Variants in ACVR1 observed in about 807,000 individuals in gnomAD.
ACVR1 encodes activin A receptor type 1.
A neutral mutation model predicts 57.1 loss-of-function variants in ACVR1; 38 were observed. That is an observed-to-expected ratio of 0.67 (90% CI 0.51 to 0.87). The LOEUF (loss-of-function observed/expected upper bound fraction) is 0.87. ACVR1 is among the 40% of genes least tolerant of loss of function. The pLI, the probability that ACVR1 is intolerant of heterozygous loss-of-function variation, is 0.00. For missense variants in ACVR1, 463 were observed against 638.2 expected (o/e 0.73, Z 2.96); for synonymous variants, 212 against 228.1 (o/e 0.93, Z 0.63).
intron 1 of ACVR1, among the ~76,000 whole-genome samples, chr2:157,860,855 T>C (rs190540156): frequency 3.3e-4 from 51 of 152,338 alleles, no homozygotes; most frequent in African/African-American, 1.2e-3. Flanking sequence ...CTCAAACTTT[T>C]AGAAGCATTC....
chr2:157,867,221 A>G (rs143847655), intron 1 of ACVR1, among the ~76,000 whole-genome samples: 1 of 152,284 alleles, frequency 6.6e-6, no homozygotes, highest in Non-Finnish European at 1.5e-5. Context: ...TCTCATTGCA[A>G]AAGTAATTTA....
chr2:157,819,077 C>CAAAAA lies in ACVR1; in HGVS notation c.-182-523_-182-519dup, dbSNP rs386391595. ...TGGGTGACAGAGCGAGACTCCGTCT[C>CAAAAA]AAAAAAAAAAAAAAAAAAAAAAAAA... On this transcript the variant is annotated intron_variant, in intron 1 of 10. Transcript: ENST00000434821. 7.6e-3 allele frequency among the ~76,000 whole-genome samples: 449 copies of CAAAAA among 59,204 alleles called. 23 individuals are homozygous for CAAAAA. The highest frequency in any genetic ancestry group is 0.034 in the African/African-American group (428 of 12,750). 38.8% of individuals were successfully genotyped at this position (59,204 alleles called of 152,430 possible).
chr2:157,870,658 A>G (rs1455954874), intron 1 of ACVR1, among the ~76,000 whole-genome samples: 26 of 152,246 alleles, frequency 1.7e-4, no homozygotes, highest in Admixed American at 1.6e-3. Context: ...ACTATAAATA[A>G]TGAAGGATTC....
At chr2:157,799,366 TA>T in intron 3 of ACVR1, 60 bp downstream of exon 3, 1 of 1,051,336 alleles carries the variant, frequency 9.5e-7, no homozygotes, top group Non-Finnish European at 1.4e-6. Context: ...TAGTTTATAG[TA>T]AGCCAAAAAA....
At chr2:157,798,426 T>G (rs544970096) in intron 3 of ACVR1, among the ~76,000 whole-genome samples, 2 of 151,276 alleles carry the variant, frequency 1.3e-5, no homozygotes, top group South Asian at 4.2e-4. Flanking sequence ...TGTTGAAGAT[T>G]ATTACCTATA....
chr2:157,795,961 C>G (rs956988522), intron 3 of ACVR1, among the ~76,000 whole-genome samples: 1 of 152,098 alleles, frequency 6.6e-6, no homozygotes, highest in African/African-American at 2.4e-5. Context: ...TGGTGGCTCA[C>G]GCCTGTAATC....
At position 157,770,531 on chromosome 2, in the gene ACVR1, A is replaced by G; in HGVS notation, c.644-17T>C. ...TGCCTTTCCCTATGAAAAGCAAAAC[A>G]TAGGTGACACAGAACAGTAGTCATT... On this transcript the variant is annotated splice_polypyrimidine_tract_variant and intron_variant, in intron 6 of 10. Coordinates refer to ENST00000434821, the MANE Select transcript of ACVR1 (RefSeq NM_001111067.4). 2 of 1,613,878 alleles carry G rather than the reference A, an allele frequency of 1.2e-6. No individual in the cohort carries two copies. The highest frequency in any genetic ancestry group is 1.7e-6 in the Non-Finnish European group (2 of 1,179,870).
At chr2:157,765,505 G>GT (rs373026062) in intron 8 of ACVR1, among the ~76,000 whole-genome samples, 25 of 152,030 alleles carry the variant, frequency 1.6e-4, no homozygotes, top group Admixed American at 3.9e-4. Context: ...AGGGATTTGG[G>GT]TTTTACAACA....
At chr2:157,794,437 C>T (rs569982658) in intron 3 of ACVR1, among the ~76,000 whole-genome samples, 6 of 152,238 alleles carry the variant, frequency 3.9e-5, no homozygotes, top group East Asian at 1.9e-4. Context: ...TCTCTTCTCA[C>T]GCTCTCAAAC....
At chr2:157,750,502 C>A (rs1351996880) in intron 9 of ACVR1, among the ~76,000 whole-genome samples, 2 of 152,150 alleles carry the variant, frequency 1.3e-5, no homozygotes, top group African/African-American at 2.4e-5. Context: ...ACCACTGATG[C>A]CAATTACAGC....
intron 9 of ACVR1, among the ~76,000 whole-genome samples, chr2:157,756,957 T>A (rs916923357): frequency 7.5e-5 from 11 of 146,658 alleles, no homozygotes; most frequent in African/African-American, 2.3e-4. Context: ...TATCTACACG[T>A]ATTTTTTATA....
chr2:157,761,058 G>T lies in ACVR1; in HGVS notation c.1086C>A (p.Ser362=), dbSNP rs149498219. The part of the protein sequence containing the change: ...IADLGLAVMH[S]QSTNQLDVGN... ...CCACATCAAGCTGATTGGTGCTCTG[G>T]GAATGCATGACTGCCAGGCCTGAAA... Residue 362 remains serine, a synonymous_variant, in exon 9 of 11, where the codon TCC becomes TCA. Coordinates refer to ENST00000434821, the MANE Select transcript of ACVR1 (RefSeq NM_001111067.4). 9.4e-4 allele frequency: 1,519 copies of T among 1,613,992 alleles called. 1 individual carries two copies. Among genetic ancestry groups the T allele is most frequent in the Admixed American group, 9.8e-4 (59 of 60,012 alleles).
chr2:157,862,422 TAC>T (rs68077740), intron 1 of ACVR1, among the ~76,000 whole-genome samples: 15,190 of 143,554 alleles, frequency 0.11, 1,304 homozygotes, highest in African/African-American at 0.24. Context: ...CATATACACA[TAC>T]ACACACACAC....
In ACVR1 at chr2:157,783,364, G is replaced by C. The variant is rs1476515453; in HGVS notation, c.68-2764C>G. On this transcript the variant is annotated intron_variant, in intron 3 of 10. Transcript: ENST00000434821. ...GCAGACGTTTGGACTATAACCTAAA[G>C]AGTTTGCCAGACGTGACAGCCTCAA... is the stretch of plus-strand genomic sequence containing the variant. Among the ~76,000 whole-genome samples, 23 of 152,162 alleles carry C rather than the reference G, an allele frequency of 1.5e-4. 1 individual carries two copies.
intron 2 of ACVR1, among the ~76,000 whole-genome samples, chr2:157,814,933 A>G (rs970015323): frequency 3.9e-5 from 6 of 152,048 alleles, no homozygotes; most frequent in Non-Finnish European, 7.4e-5. Flanking sequence ...AAAATACAAA[A>G]AATTAGCAGG....
chr2:157,873,947 C>T (rs1468442088), intron 1 of ACVR1, among the ~76,000 whole-genome samples: 1 of 152,210 alleles, frequency 6.6e-6, no homozygotes, highest in South Asian at 2.1e-4. Context: ...AAATTCCTCA[C>T]AGATAACAAC....
chr2:157,874,508 C>T (rs903674457), intron 1 of ACVR1, among the ~76,000 whole-genome samples: 2 of 152,218 alleles, frequency 1.3e-5, no homozygotes, highest in African/African-American at 4.8e-5. Context: ...GCCAGCAACC[C>T]ACCTCCAGAG....
chr2:157,817,897 G>A (rs1688001273), intron 2 of ACVR1, among the ~76,000 whole-genome samples: 1 of 151,670 alleles, frequency 6.6e-6, no homozygotes, highest in Non-Finnish European at 1.5e-5. Context: ...AGCTACTCAA[G>A]AGGCTGAGGC....
intron 1 of ACVR1, among the ~76,000 whole-genome samples, chr2:157,821,826 G>C (rs1013131550): frequency 1.3e-5 from 2 of 152,202 alleles, no homozygotes; most frequent in African/African-American, 4.8e-5. Flanking sequence ...TAACATTACA[G>C]TACAGTTTTC....
Sources: gnomAD v4.1 joint callset for allele counts (sites outside exome capture counted in the v4.1 genomes callset) on GRCh38, gnomAD v4.1.1 for gene constraint, MANE v1.5 for transcripts, NCBI Gene and HGNC (gene_info 2026-07-23, HGNC 2026-07-21) for gene names.